The following TNRC6B variants were observed in gnomAD, a reference collection of about 807,000 sequenced individuals.
TNRC6B encodes trinucleotide repeat-containing gene 6B protein.
TNRC6B carries 52 observed loss-of-function variants against 203.6 expected under a neutral mutation model. The observed-to-expected ratio is 0.26, with a 90% confidence interval of 0.20 to 0.32. TNRC6B has a LOEUF of 0.32. Ranked by LOEUF, TNRC6B falls within the 10% of genes least tolerant of loss-of-function variation. The probability of loss-of-function intolerance (pLI) is 1.00; values close to 1 mark genes in which losing one functional copy is unlikely to be tolerated. For synonymous variants in TNRC6B, 838 were observed against 845.7 expected (o/e 0.99, Z 0.16); for missense variants, 1,923 against 2,286.2 (o/e 0.84, Z 3.24).
intron 1 of TNRC6B, among the ~76,000 whole-genome samples, chr22:40,221,789 T>G (rs1036742970): frequency 6.5e-4 from 95 of 145,160 alleles, no homozygotes; most frequent in Non-Finnish European, 1.2e-3. Flanking sequence ...CTGTCTACTT[T>G]CCTGCTGCCG....
intron 1 of TNRC6B, among the ~76,000 whole-genome samples, chr22:40,179,405 C>A (rs2069105549): frequency 6.6e-6 from 1 of 151,952 alleles, no homozygotes. Flanking sequence ...GTTTTCTTTT[C>A]TCTTTTTTTC....
chr22:40,058,212 A>T (rs535686654), intron 1 of TNRC6B, among the ~76,000 whole-genome samples: 15 of 152,340 alleles, frequency 9.8e-5, no homozygotes, highest in African/African-American at 3.6e-4. Context: ...AGAGGGGAAA[A>T]TACTACTTTT....
intron 6 of TNRC6B, among the ~76,000 whole-genome samples, chr22:40,270,724 G>T (rs571718948): frequency 6.6e-6 from 1 of 152,316 alleles, no homozygotes; most frequent in South Asian, 2.1e-4. Context: ...AGGACCTTGA[G>T]TGTTAAATAA....
At chr22:40,223,074 C>G (rs138032) in intron 1 of TNRC6B, among the ~76,000 whole-genome samples, 3 of 151,504 alleles carry the variant, frequency 2.0e-5, no homozygotes, top group Non-Finnish European at 4.4e-5. Context: ...AATTGAATGC[C>G]TCTAGTTTAA....
chr22:40,179,387 G>C (rs865959123), intron 1 of TNRC6B, among the ~76,000 whole-genome samples: 1 of 152,152 alleles, frequency 6.6e-6, no homozygotes, highest in Middle Eastern at 3.4e-3. Flanking sequence ...CTGGCTCTGA[G>C]AGGCCTTGTT....
intron 1 of TNRC6B, among the ~76,000 whole-genome samples, chr22:40,060,683 G>C (rs749753827): frequency 3.9e-5 from 6 of 152,178 alleles, no homozygotes; most frequent in Non-Finnish European, 7.3e-5. Context: ...AAATTAAAAG[G>C]GAAAAGGTGC....
At chr22:40,111,269 C>A (rs2068331777) in intron 1 of TNRC6B, among the ~76,000 whole-genome samples, 1 of 152,256 alleles carries the variant, frequency 6.6e-6, no homozygotes, top group Admixed American at 6.5e-5. Flanking sequence ...GCTTTGGAGG[C>A]GAAGGCAGTG....
At chr22:40,222,055 A>G (rs958572829) in intron 1 of TNRC6B, among the ~76,000 whole-genome samples, 3 of 152,134 alleles carry the variant, frequency 2.0e-5, no homozygotes, top group African/African-American at 7.2e-5. Context: ...GTGGAGACCA[A>G]CTAAGTCTTG....
At chr22:40,300,308 G>A (rs1190462197) in intron 12 of TNRC6B, 147 bp from the exon 13 acceptor site, 1 of 652,678 alleles carries the variant, frequency 1.5e-6, no homozygotes, top group Non-Finnish European at 2.4e-6. Context: ...ACCCTTGAGT[G>A]TATTTTTCCT....
intron 1 of TNRC6B, among the ~76,000 whole-genome samples, chr22:40,057,935 C>T (rs1269698268): frequency 6.6e-6 from 1 of 152,148 alleles, no homozygotes; most frequent in Non-Finnish European, 1.5e-5. Context: ...TTAGATGTAC[C>T]ATGGACAACA....
At chr22:40,247,730 G>A (rs1482059276) in intron 2 of TNRC6B, among the ~76,000 whole-genome samples, 1 of 152,178 alleles carries the variant, frequency 6.6e-6, no homozygotes, top group Non-Finnish European at 1.5e-5. Flanking sequence ...CTTCTCACCT[G>A]AGTTTGTTAG....
chr22:40,181,311 A>G (rs958146742), intron 1 of TNRC6B, among the ~76,000 whole-genome samples: 4 of 152,312 alleles, frequency 2.6e-5, no homozygotes, highest in Admixed American at 6.5e-5. Flanking sequence ...AGCTCTGGCT[A>G]TTGAGGACCA....
At position 40,308,774 on chromosome 22, in the gene TNRC6B, G is replaced by A; in HGVS notation, c.4258+125G>A. On this transcript the variant is annotated intron_variant, in intron 16 of 22. Transcript: ENST00000454349. ...CCTTGTGAATCCTATGATTGCCTGTGGAGGAAGGTCAGAGTCATGTGTATG... is the reference window on the plus strand; with the variant it reads ...CCTTGTGAATCCTATGATTGCCTGTAGAGGAAGGTCAGAGTCATGTGTATG... 1.0e-5 allele frequency: 12 copies of A among 1,162,092 alleles called. No individual in the cohort carries two copies. The South Asian group carries it at 1.6e-4, about 15-fold the overall frequency. The allele number at this position is 1,162,092 out of a possible 1,614,324, so 72.0% of individuals were successfully genotyped here.
At chr22:40,183,389 C>G (rs865914790) in intron 1 of TNRC6B, among the ~76,000 whole-genome samples, 2 of 152,274 alleles carry the variant, frequency 1.3e-5, no homozygotes, top group Non-Finnish European at 1.5e-5. Flanking sequence ...TTAGCCTGCA[C>G]AAGGACAGGA....
At chr22:40,057,166 G>GT (rs1334070108) in intron 1 of TNRC6B, among the ~76,000 whole-genome samples, 2 of 152,120 alleles carry the variant, frequency 1.3e-5, no homozygotes, top group African/African-American at 4.8e-5. Context: ...TTCTTACCAG[G>GT]TAACACTATC....
intron 11 of TNRC6B, among the ~76,000 whole-genome samples, chr22:40,283,249 G>A (rs1055982403): frequency 1.1e-4 from 17 of 151,946 alleles, no homozygotes; most frequent in Admixed American, 4.6e-4. Flanking sequence ...CATGTTAGCC[G>A]GGATGGTCTC....
At chr22:40,084,161 G>T (rs2068083412) in intron 1 of TNRC6B, among the ~76,000 whole-genome samples, 1 of 152,152 alleles carries the variant, frequency 6.6e-6, no homozygotes, top group Admixed American at 6.6e-5. Context: ...TGATTATAAT[G>T]ATTAACTATG....
chr22:40,084,559 A>G (rs1194873777), intron 1 of TNRC6B, among the ~76,000 whole-genome samples: 1 of 152,250 alleles, frequency 6.6e-6, no homozygotes, highest in Non-Finnish European at 1.5e-5. Flanking sequence ...GTTCTGGGAC[A>G]GAAAGAGGAT....
intron 11 of TNRC6B, among the ~76,000 whole-genome samples, chr22:40,284,709 A>C (rs755279606): frequency 1.3e-5 from 2 of 152,352 alleles, no homozygotes; most frequent in East Asian, 3.9e-4. Flanking sequence ...GTTAATCTGA[A>C]TGTGAAATCA....
Sources: gnomAD v4.1 joint callset for allele counts (sites outside exome capture counted in the v4.1 genomes callset) on GRCh38, gnomAD v4.1.1 for gene constraint, MANE v1.5 for transcripts, NCBI Gene and HGNC (gene_info 2026-07-23, HGNC 2026-07-21) for gene names.